The following MTHFD1L variants were observed in gnomAD, a reference collection of about 807,000 sequenced individuals.
The protein encoded by MTHFD1L is monofunctional C1-tetrahydrofolate synthase, mitochondrial.
Under a neutral mutation model 119.5 loss-of-function variants are expected in MTHFD1L, and 81 were observed. The observed-to-expected ratio is 0.68, with a 90% confidence interval of 0.57 to 0.82. The LOEUF is 0.82. MTHFD1L is among the 40% of genes least tolerant of loss of function. The pLI is 0.00. For synonymous variants in MTHFD1L, 430 were observed against 475.2 expected (o/e 0.90, Z 1.24); for missense variants, 1,125 against 1,253.4 (o/e 0.90, Z 1.55).
intron 24 of MTHFD1L, chr6:151,021,963 G>T (rs1708024491): frequency 2.1e-6 from 1 of 469,180 alleles, no homozygotes; most frequent in South Asian, 1.6e-5. Flanking sequence ...TTAAGGTGTA[G>T]CCTTGACAGC....
intron 3 of MTHFD1L, 24 bp downstream of exon 3, chr6:150,877,708 A>C (rs1355189137): frequency 6.2e-7 from 1 of 1,614,230 alleles, no homozygotes; most frequent in South Asian, 1.1e-5. Flanking sequence ...CTTTTAAAAA[A>C]TTCACTATAA....
intron 26 of MTHFD1L, among the ~76,000 whole-genome samples, chr6:151,052,744 C>T (rs1789257662): frequency 6.6e-6 from 1 of 152,172 alleles, no homozygotes; most frequent in Non-Finnish European, 1.5e-5. Context: ...ATGATGGTCC[C>T]CTCTTACATG....
intron 20 of MTHFD1L, among the ~76,000 whole-genome samples, chr6:150,992,314 G>T (rs868178676): frequency 1.1e-4 from 16 of 152,262 alleles, no homozygotes; most frequent in Middle Eastern, 3.4e-3. Context: ...TATACAATCT[G>T]TTACATTTTT....
intron 27 of MTHFD1L, among the ~76,000 whole-genome samples, chr6:151,094,732 CAG>C (rs1269242736): frequency 6.6e-6 from 1 of 151,942 alleles, no homozygotes; most frequent in Non-Finnish European, 1.5e-5. Flanking sequence ...TTAGTAGAGA[CAG>C]GGTTTCACCA....
At chr6:150,985,660 C>CA (rs71014533) in intron 20 of MTHFD1L, among the ~76,000 whole-genome samples, 9,884 of 78,598 alleles carry the variant, frequency 0.13, 944 homozygotes, top group East Asian at 0.55. Flanking sequence ...GACTCTGTCT[C>CA]AAAAAAAAAA....
rs1201517054 is a variant in MTHFD1L, at chr6:151,085,001, ATATGTATATATT to A, written c.2848-7462_2848-7451del. Among the ~76,000 whole-genome samples the A allele has an allele frequency of 8.5e-3, 1,183 of 138,498 alleles. 7 individuals are homozygous for A. Among genetic ancestry groups the A allele is most frequent in the African/African-American group, 0.028 (1,003 of 35,708 alleles). 90.9% of individuals were successfully genotyped at this position (138,498 alleles called of 152,430 possible). On this transcript the variant is annotated intron_variant, in intron 26 of 27. Transcript: ENST00000367321. ...AAAAAAAAAATATATATATATATAT[ATATGTATATATT>A]TATATATGTATATACACACACACAC...
chr6:151,084,682 C>T (rs577895959), intron 26 of MTHFD1L, among the ~76,000 whole-genome samples: 11 of 152,068 alleles, frequency 7.2e-5, no homozygotes, highest in South Asian at 4.2e-4. Context: ...ATATATTAGA[C>T]GGGCCGGGCG....
At chr6:150,975,155 A>G (rs1182195136) in intron 20 of MTHFD1L, among the ~76,000 whole-genome samples, 1 of 152,218 alleles carries the variant, frequency 6.6e-6, no homozygotes, top group Admixed American at 6.5e-5. Flanking sequence ...GCTCTTATGA[A>G]TAATGCTGCT....
chr6:151,065,866 T>C (rs1227826136), intron 26 of MTHFD1L, among the ~76,000 whole-genome samples: 1 of 152,204 alleles, frequency 6.6e-6, no homozygotes, highest in Non-Finnish European at 1.5e-5. Flanking sequence ...CAAGGGCTGT[T>C]GCTCAGACCA....
rs1298859162 is a variant in MTHFD1L at position 151,027,061 on chromosome 6, C to T, written c.2587-7432C>T. On this transcript the variant is annotated intron_variant, in intron 24 of 27. Transcript: ENST00000367321. ...GGCCAGGATGGTCTCGATCTCTTAA[C>T]CTCATGATCCGCCCACCTTGGCCTC... 2.6e-5 allele frequency among the ~76,000 whole-genome samples: 4 copies of T among 152,072 alleles called. No individual in the cohort carries two copies. In the South Asian group the frequency reaches 6.2e-4, roughly 24 times the overall value.
At chr6:150,936,370 G>T (rs1792050858) in intron 11 of MTHFD1L, among the ~76,000 whole-genome samples, 1 of 152,164 alleles carries the variant, frequency 6.6e-6, no homozygotes, top group Non-Finnish European at 1.5e-5. Flanking sequence ...GTCTGGCAGT[G>T]CCCTACTCAC....
At chr6:150,874,246 G>C (rs1359957113) in intron 1 of MTHFD1L, among the ~76,000 whole-genome samples, 1 of 152,224 alleles carries the variant, frequency 6.6e-6, no homozygotes, top group African/African-American at 2.4e-5. Flanking sequence ...TGGGAATGAA[G>C]TAGCTTTATC....
At chr6:150,946,935 C>T (rs992194521) in intron 15 of MTHFD1L, among the ~76,000 whole-genome samples, 1 of 151,294 alleles carries the variant, frequency 6.6e-6, no homozygotes, top group Non-Finnish European at 1.5e-5. Context: ...ATTAGCCGGG[C>T]GTGGTGGCAG....
intron 1 of MTHFD1L, chr6:150,866,297 T>C (rs1217359718): frequency 4.1e-6 from 6 of 1,473,910 alleles, no homozygotes; most frequent in Non-Finnish European, 5.4e-6. Context: ...GCATCTCCAA[T>C]GGGCGCCTAG....
At chr6:150,936,991 G>A (rs742830) in intron 12 of MTHFD1L, 51 bp downstream of exon 12, 589,182 of 1,590,690 alleles carry the variant, frequency 0.37, 116,080 homozygotes, top group African/African-American at 0.68. Context: ...TGGGGGGAGA[G>A]AATTGTAAAA....
intron 26 of MTHFD1L, among the ~76,000 whole-genome samples, chr6:151,091,641 A>T (rs1434644285): frequency 6.6e-6 from 1 of 152,168 alleles, no homozygotes. Context: ...TAAAATGAGT[A>T]CCTACCTCAT....
intron 11 of MTHFD1L, among the ~76,000 whole-genome samples, chr6:150,932,183 A>AAAAAAAAC: frequency 1.3e-5 from 2 of 151,084 alleles, no homozygotes; most frequent in Admixed American, 6.6e-5. Flanking sequence ...AAAAAAAAAA[A>AAAAAAAAC]AAGCATCATT....
intron 20 of MTHFD1L, among the ~76,000 whole-genome samples, chr6:150,993,392 C>A (rs374092932): frequency 6.6e-6 from 1 of 151,740 alleles, no homozygotes. Flanking sequence ...GTGATCTCGG[C>A]GCACCACAGC....
At chr6:151,089,250 T>C (rs1283448288) in intron 26 of MTHFD1L, among the ~76,000 whole-genome samples, 1 of 152,210 alleles carries the variant, frequency 6.6e-6, no homozygotes, top group Non-Finnish European at 1.5e-5. Context: ...TCTTAAACTA[T>C]AAAATGCTTG....
Sources: gnomAD v4.1 joint callset for allele counts (sites outside exome capture counted in the v4.1 genomes callset) on GRCh38, gnomAD v4.1.1 for gene constraint, MANE v1.5 for transcripts, NCBI Gene and HGNC (gene_info 2026-07-23, HGNC 2026-07-21) for gene names.